The following ESRRG variants were observed in gnomAD, a reference collection of about 807,000 sequenced individuals.
ESRRG encodes the protein estrogen-related receptor gamma.
In ESRRG, 13 loss-of-function variants were observed where a neutral mutation model predicts 44.0. The ratio of observed to expected loss-of-function variants is 0.30; its 90% CI spans 0.19 to 0.47. ESRRG has a LOEUF of 0.47. Among genes scored for constraint, ESRRG ranks in the 20% least tolerant of loss-of-function variants. The probability of loss-of-function intolerance (pLI) is 1.00; values close to 1 mark genes in which losing one functional copy is unlikely to be tolerated. For missense variants in ESRRG, 395 were observed against 580.6 expected, an observed-to-expected ratio of 0.68 and a Z score of 3.29; for synonymous variants, 215 against 214.6, an observed-to-expected ratio of 1.00 and a Z score of -0.02.
intron 3 of ESRRG, among the ~76,000 whole-genome samples, chr1:216,620,505 C>T (rs2062047979): frequency 6.6e-6 from 1 of 152,136 alleles, no homozygotes; most frequent in Admixed American, 6.5e-5. Flanking sequence ...GGATATACCA[C>T]TTAAGGACTG....
chr1:216,942,605 C>T (rs981846876), intron 1 of ESRRG, among the ~76,000 whole-genome samples: 1 of 152,154 alleles, frequency 6.6e-6, no homozygotes, highest in African/African-American at 2.4e-5. Context: ...AATAGCCACT[C>T]TTACTGGTGT....
chr1:216,841,068 T>C lies in ESRRG; in HGVS notation c.-14+98514A>G, dbSNP rs145984644. On this transcript the variant is annotated intron_variant, in intron 2 of 7. Transcript: ENST00000359162. ...TTTCAATTTGTAGAAACATGCAAGA[T>C]CTGTGAAGCTCAGTAAATCAAAATG... Among the ~76,000 whole-genome samples the C allele has an allele frequency of 5.5e-3, 843 of 152,310 alleles. 9 individuals are homozygous for C. Among genetic ancestry groups the C allele is most frequent in the African/African-American group, 0.019 (795 of 41,572 alleles).
At chr1:216,565,983 T>TG (rs1412160249) in intron 4 of ESRRG, among the ~76,000 whole-genome samples, 1 of 41,924 alleles carries the variant, frequency 2.4e-5, no homozygotes, top group Non-Finnish European at 6.0e-5. Flanking sequence ...TGATTCTAGT[T>TG]GTTTTTTTTT....
At chr1:216,804,369 G>T (rs544629554) in intron 2 of ESRRG, among the ~76,000 whole-genome samples, 1 of 152,262 alleles carries the variant, frequency 6.6e-6, no homozygotes, top group Non-Finnish European at 1.5e-5. Flanking sequence ...GTGACAGCAA[G>T]GATGCCGGCT....
At chr1:216,615,568 C>T (rs114923886) in intron 3 of ESRRG, among the ~76,000 whole-genome samples, 200 of 152,268 alleles carry the variant, frequency 1.3e-3, no homozygotes, top group African/African-American at 4.4e-3. Context: ...ACTGAAAAGT[C>T]AACTCTGTGT....
chr1:216,914,865 A>C (rs1223233091), intron 2 of ESRRG, among the ~76,000 whole-genome samples: 1 of 152,238 alleles, frequency 6.6e-6, no homozygotes, highest in East Asian at 1.9e-4. Context: ...AACAGGAAAC[A>C]TACCCTTTAC....
At chr1:217,009,189 C>A (rs1340443140) in intron 1 of ESRRG, among the ~76,000 whole-genome samples, 1 of 151,900 alleles carries the variant, frequency 6.6e-6, no homozygotes, top group Non-Finnish European at 1.5e-5. Context: ...CCAGGTATTA[C>A]CCCCTTACCG....
chr1:216,662,368 A>T (rs1414210221), intron 2 of ESRRG, among the ~76,000 whole-genome samples: 1 of 152,164 alleles, frequency 6.6e-6, no homozygotes, highest in Non-Finnish European at 1.5e-5. Flanking sequence ...ACTCAGTCAT[A>T]AAAGAAGGTA....
chr1:216,888,007 C>CTT (rs36002364), intron 2 of ESRRG, among the ~76,000 whole-genome samples: 2 of 149,486 alleles, frequency 1.3e-5, no homozygotes, highest in African/African-American at 4.9e-5. Flanking sequence ...TTGTAATTGA[C>CTT]TTTTTTTTTT....
intron 1 of ESRRG, among the ~76,000 whole-genome samples, chr1:217,021,209 G>T (rs1212795986): frequency 1.3e-5 from 2 of 152,144 alleles, no homozygotes; most frequent in East Asian, 3.9e-4. Flanking sequence ...CGGACCCATT[G>T]TTAGTGGGAC....
chr1:217,060,577 G>C (rs1055782642), intron 1 of ESRRG, among the ~76,000 whole-genome samples: 1 of 151,964 alleles, frequency 6.6e-6, no homozygotes, highest in African/African-American at 2.4e-5. Flanking sequence ...AAGAGTGATG[G>C]GTTGGTGCCA....
intron 5 of ESRRG, among the ~76,000 whole-genome samples, chr1:216,534,922 C>A (rs2050477591): frequency 6.6e-6 from 1 of 152,030 alleles, no homozygotes; most frequent in South Asian, 2.1e-4. Flanking sequence ...TGGCTTATCC[C>A]AAAGGAAAAG....
chr1:217,099,313 A>T (rs774496778), intron 1 of ESRRG, among the ~76,000 whole-genome samples: 1 of 152,074 alleles, frequency 6.6e-6, no homozygotes, highest in Non-Finnish European at 1.5e-5. Flanking sequence ...AATGAAGTGG[A>T]TATTATTCCT....
intron 2 of ESRRG, among the ~76,000 whole-genome samples, chr1:216,896,415 T>C (rs967848380): frequency 6.6e-6 from 1 of 152,172 alleles, no homozygotes; most frequent in African/African-American, 2.4e-5. Flanking sequence ...TAGGCTGATT[T>C]GATAGCTCAC....
intron 1 of ESRRG, among the ~76,000 whole-genome samples, chr1:217,015,921 G>T (rs952577344): frequency 3.9e-5 from 6 of 151,962 alleles, no homozygotes; most frequent in Non-Finnish European, 7.4e-5. Flanking sequence ...AGTAGAGATG[G>T]AGTTTCACCA....
Position 217,004,805 on chromosome 1 carries a change from A to G in ESRRG, c.-105-65132T>C, listed in dbSNP as rs186595301. Among the ~76,000 whole-genome samples, 3 of 152,312 alleles carry G rather than the reference A, an allele frequency of 2.0e-5. No homozygotes were observed. The East Asian group carries it at 5.8e-4, about 29-fold the overall frequency. Reference sequence around the variant, plus strand: ...ATATATATAGTGCCTGTGAAATGAGAATGATATTATTTTGGAATCTAGCTG... The same window carrying G: ...ATATATATAGTGCCTGTGAAATGAGGATGATATTATTTTGGAATCTAGCTG... On this transcript the variant is annotated intron_variant, in intron 1 of 7. Transcript: ENST00000359162.
chr1:216,788,840 A>AT, intron 2 of ESRRG, among the ~76,000 whole-genome samples: 1 of 152,148 alleles, frequency 6.6e-6, no homozygotes, highest in East Asian at 1.9e-4. Context: ...GAAGAACTTG[A>AT]TTCCAATTCT....
chr1:216,980,596 G>A (rs190631145), intron 1 of ESRRG, among the ~76,000 whole-genome samples: 4 of 152,100 alleles, frequency 2.6e-5, no homozygotes, highest in African/African-American at 9.6e-5. Flanking sequence ...TCTCATCCAG[G>A]ATCACTGCAA....
intron 2 of ESRRG, among the ~76,000 whole-genome samples, chr1:216,749,830 G>T (rs1013382523): frequency 6.6e-6 from 1 of 152,018 alleles, no homozygotes; most frequent in Non-Finnish European, 1.5e-5. Flanking sequence ...GCAAATAGAG[G>T]TTTATCAAAA....
Sources: gnomAD v4.1 joint callset for allele counts (sites outside exome capture counted in the v4.1 genomes callset) on GRCh38, gnomAD v4.1.1 for gene constraint, MANE v1.5 for transcripts, NCBI Gene and HGNC (gene_info 2026-07-23, HGNC 2026-07-21) for gene names.